PRDM2: variants seen among roughly 807,000 people sequenced by gnomAD.
PRDM2 encodes the protein PR domain zinc finger protein 2.
A neutral mutation model predicts 130.0 loss-of-function variants in PRDM2; 30 were observed. The observed-to-expected ratio is 0.23, with a 90% confidence interval of 0.17 to 0.31. PRDM2 has a LOEUF of 0.31. Among genes scored for constraint, PRDM2 ranks in the 10% least tolerant of loss-of-function variants. The pLI, the probability that PRDM2 is intolerant of heterozygous loss-of-function variation, is 1.00. For synonymous variants in PRDM2, 871 were observed against 782.4 expected (o/e 1.11, Z -1.89); for missense variants, 2,011 against 2,108.4 (o/e 0.95, Z 0.90).
At chr1:13,815,772 T>A (rs1364705970) in intron 8 of PRDM2, among the ~76,000 whole-genome samples, 1 of 152,226 alleles carries the variant, frequency 6.6e-6, no homozygotes, top group Admixed American at 6.5e-5. Context: ...GGTGCTTTTC[T>A]GTACAAATAG....
intron 8 of PRDM2, among the ~76,000 whole-genome samples, chr1:13,797,569 G>C (rs1644941359): frequency 1.3e-5 from 2 of 152,220 alleles, no homozygotes; most frequent in African/African-American, 2.4e-5. Context: ...GTTCCGAGTT[G>C]TGTGTGGCAC....
chr1:13,719,954 A>G (rs1642670584), intron 2 of PRDM2, among the ~76,000 whole-genome samples: 1 of 152,166 alleles, frequency 6.6e-6, no homozygotes, highest in Non-Finnish European at 1.5e-5. Flanking sequence ...TTGTAGCAAT[A>G]ATATATATTT....
At chr1:13,713,744 G>A (rs1437678181) in intron 1 of PRDM2, among the ~76,000 whole-genome samples, 1 of 152,134 alleles carries the variant, frequency 6.6e-6, no homozygotes, top group East Asian at 1.9e-4. Flanking sequence ...TATTCACCTG[G>A]GGGAATAAGG....
chr1:13,803,009 C>T lies in PRDM2; in HGVS notation c.5037-13418C>T, dbSNP rs1174277502. Reference sequence around the variant, plus strand: ...CTCCACCCTGCTGGGCTTCTCTCACCCGGGCTGGTCGTGTCACGGGCAGTG... The same window carrying T: ...CTCCACCCTGCTGGGCTTCTCTCACTCGGGCTGGTCGTGTCACGGGCAGTG... On this transcript the variant is annotated intron_variant, in intron 8 of 9. Coordinates refer to ENST00000311066, the MANE Select transcript of PRDM2 (RefSeq NM_001393986.1). The surrounding 1 kb of genome is among the most constrained non-coding windows in gnomAD (Gnocchi z 6.2). 1.3e-5 allele frequency among the ~76,000 whole-genome samples: 2 copies of T among 152,190 alleles called. No homozygotes were observed.
Position 13,742,127 on chromosome 1 carries a change from C to G in PRDM2, c.354C>G (p.Ile118Met). 6.2e-7 allele frequency: 1 copy of G among 1,613,914 alleles called. No individual in the cohort carries two copies. ...AGCAAAATTTATTCCCACTGGAAAT[C>G]AACAGAGCCATTTACTATAAAACTT... is the stretch of plus-strand genomic sequence containing the variant. Reference protein sequence around the residue: ...GEEQNLFPLEINRAIYYKTLK... With the variant: ...GEEQNLFPLEMNRAIYYKTLK... Residue 118 changes from isoleucine (I) to methionine (M), a missense_variant, in exon 5 of 10, where the codon ATC (isoleucine) becomes ATG (methionine). Coordinates refer to ENST00000311066, the MANE Select transcript of PRDM2 (RefSeq NM_001393986.1).
intron 4 of PRDM2, among the ~76,000 whole-genome samples, chr1:13,741,014 C>T (rs1190259973): frequency 6.6e-6 from 1 of 152,180 alleles, no homozygotes; most frequent in Non-Finnish European, 1.5e-5. Context: ...ATCCTTTCTT[C>T]CTAAAAATAA....
chr1:13,786,014 A>G (rs957688379), intron 8 of PRDM2, among the ~76,000 whole-genome samples: 1 of 150,734 alleles, frequency 6.6e-6, no homozygotes, highest in Non-Finnish European at 1.5e-5. Context: ...AATTTTTTGT[A>G]TTTTTAGTAG....
At position 13,780,710 on chromosome 1, in the gene PRDM2, C is replaced by T. The variant is rs1644589994; in HGVS notation, c.2915C>T (p.Ser972Phe). 4.4e-6 allele frequency: 7 copies of T among 1,601,166 alleles called. No homozygotes were observed. The highest frequency in any genetic ancestry group is 3.4e-5 in the South Asian group (3 of 89,528). ...PPLLIPTDPS[S>F]PPPCPPVLTV... ...CTCTTGATCCCCACAGATCCCTCTT[C>T]CCCTCCACCCTGTCCCCCGGTATTA... Residue 972 changes from serine to phenylalanine, a missense_variant, in exon 8 of 10, where the codon TCC (serine) becomes TTC (phenylalanine). This residue lies in a region of PRDM2 where 1,288 missense variants were observed against 1,237.7 expected (regional missense o/e 1.04). Transcript: ENST00000311066.
At position 13,803,691 on chromosome 1, in the gene PRDM2, C is replaced by CA. The variant is rs897390749; in HGVS notation, c.5037-12735dup. Among the ~76,000 whole-genome samples the CA allele has an allele frequency of 4.6e-5, 7 of 152,342 alleles. No homozygotes were observed. Among genetic ancestry groups the CA allele is most frequent in the African/African-American group, 1.4e-4 (6 of 41,582 alleles). On this transcript the variant is annotated intron_variant, in intron 8 of 9. Transcript: ENST00000311066. This position sits in a 1 kb window ranked among gnomAD's most constrained non-coding sequence, Gnocchi z 6.2. Reference sequence around the variant, plus strand: ...GTCTTGGCAGCAAAAGAGGCAGCCACAGCCGGGGGCTTTCCCCGCGGGCAG... The same window carrying CA: ...GTCTTGGCAGCAAAAGAGGCAGCCACAAGCCGGGGGCTTTCCCCGCGGGCAG...
At chr1:13,777,790 G>A (rs1165553777) in intron 7 of PRDM2, among the ~76,000 whole-genome samples, 1 of 151,404 alleles carries the variant, frequency 6.6e-6, no homozygotes, top group Non-Finnish European at 1.5e-5. Flanking sequence ...GTTCCCTTCA[G>A]TGAGATGCTC....
Position 13,781,863 on chromosome 1 carries a change from T to C in PRDM2, c.4068T>C (p.Ala1356=), listed in dbSNP as rs1358404531. ...TGCACAAACATATCCTGGCTTGTGC[T>C]TCTGCAAGTGACAAGAAGAGGTACA... ...PELHKHILAC[A]SASDKKRYTP... The change falls in exon 8 of 10, where the codon GCT becomes GCC. Residue 1356 remains alanine (A), a synonymous_variant. Transcript: ENST00000311066. This position sits in a 1 kb window ranked among gnomAD's most constrained non-coding sequence, Gnocchi z 6.1. 4 of 1,614,180 alleles carry C rather than the reference T, an allele frequency of 2.5e-6. No homozygotes were observed. The highest frequency in any genetic ancestry group is 3.4e-6 in the Non-Finnish European group (4 of 1,180,024).
At chr1:13,818,543 T>C (rs961729771) in intron 9 of PRDM2, among the ~76,000 whole-genome samples, 19 of 80,548 alleles carry the variant, frequency 2.4e-4, no homozygotes, top group African/African-American at 6.8e-4. Context: ...TACTCCTGGC[T>C]AATTTTTTTT....
intron 8 of PRDM2, among the ~76,000 whole-genome samples, chr1:13,816,068 G>A (rs140671736): frequency 5.5e-4 from 84 of 152,280 alleles, no homozygotes; most frequent in Non-Finnish European, 8.7e-4. Context: ...GGGCACAGCC[G>A]CTGTTCTGAT....
Position 13,725,664 on chromosome 1 carries a change from TCA to T in PRDM2, c.10-5331_10-5330del, listed in dbSNP as rs536403040. On this transcript the variant is annotated intron_variant, in intron 2 of 9. Transcript: ENST00000311066. ...AAATTTAAAACATAAGATTAAACAA[TCA>T]CACATTTCATAAGCCACCAGAATGA... Among the ~76,000 whole-genome samples the T allele has an allele frequency of 1.5e-3, 229 of 152,320 alleles. 2 individuals are homozygous for T. Among genetic ancestry groups the T allele is most frequent in the African/African-American group, 5.3e-3 (220 of 41,552 alleles).
intron 6 of PRDM2, among the ~76,000 whole-genome samples, chr1:13,769,743 A>C (rs1644315626): frequency 6.6e-6 from 1 of 152,198 alleles, no homozygotes; most frequent in African/African-American, 2.4e-5. Flanking sequence ...TTAGTTCTTC[A>C]TCTCTCCATT....
intron 6 of PRDM2, among the ~76,000 whole-genome samples, chr1:13,764,860 A>T (rs1218921840): frequency 6.6e-6 from 1 of 152,256 alleles, no homozygotes; most frequent in East Asian, 1.9e-4. Context: ...ATTTGCCTCC[A>T]GGATTACAGA....
chr1:13,804,591 C>CGG (rs142079563), intron 8 of PRDM2, among the ~76,000 whole-genome samples: 8 of 151,380 alleles, frequency 5.3e-5, no homozygotes, highest in South Asian at 2.1e-4. Flanking sequence ...CAACAAGCTC[C>CGG]GGGGGGGGAA....
chr1:13,744,543 C>G (rs1183800438), intron 5 of PRDM2, among the ~76,000 whole-genome samples: 2 of 152,042 alleles, frequency 1.3e-5, no homozygotes, highest in East Asian at 3.9e-4. Flanking sequence ...AGATATGTGA[C>G]CACGCAAAGG....
chr1:13,791,129 G>A (rs963246101), intron 8 of PRDM2, among the ~76,000 whole-genome samples: 1 of 151,390 alleles, frequency 6.6e-6, no homozygotes, highest in Non-Finnish European at 1.5e-5. Flanking sequence ...TTTTTTTTAA[G>A]GGATTTTATT....
Sources: gnomAD v4.1 joint callset for allele counts (sites outside exome capture counted in the v4.1 genomes callset) on GRCh38, gnomAD v4.1.1 for gene constraint, gnomAD v4.1.1 regional missense constraint, Gnocchi (gnomAD v3.1) non-coding constraint, MANE v1.5 for transcripts, NCBI Gene and HGNC (gene_info 2026-07-23, HGNC 2026-07-21) for gene names.